The following F11 variants were observed in gnomAD, a reference collection of about 807,000 sequenced individuals.
The protein encoded by F11 is coagualtion factor XI.
A neutral mutation model predicts 76.5 loss-of-function variants in F11; 78 were observed. The ratio of observed to expected loss-of-function variants is 1.02; its 90% CI spans 0.85 to 1.23. The LOEUF is 1.23. Ranked by LOEUF, F11 falls within the 50% of genes most tolerant of loss-of-function variation. The probability of loss-of-function intolerance (pLI) is 0.00; values close to 1 mark genes in which losing one functional copy is unlikely to be tolerated. For missense variants in F11, 742 were observed against 771.4 expected, an observed-to-expected ratio of 0.96 and a Z score of 0.45; for synonymous variants, 278 against 276.3, an observed-to-expected ratio of 1.01 and a Z score of -0.06.
chr4:186,288,361 A>T (rs1334954435), intron 14 of F11, 92 bp from the exon 15 acceptor site: 1 of 1,554,624 alleles, frequency 6.4e-7, no homozygotes, highest in Non-Finnish European at 8.9e-7. Context: ...CCAAGACAAC[A>T]TTTTAGGCAA....
Position 186,287,824 on chromosome 4 carries a change from G to GT in F11, c.1716+2dup. 1 of 1,611,970 alleles carries GT rather than the reference G, an allele frequency of 6.2e-7. No homozygotes were observed. Among genetic ancestry groups the GT allele is most frequent in the Non-Finnish European group, 8.5e-7 (1 of 1,178,670 alleles). On this transcript the variant is annotated splice_donor_variant, in intron 14 of 14. Coordinates refer to ENST00000403665, the MANE Select transcript of F11 (RefSeq NM_000128.4). LOFTEE classifies it high-confidence loss of function. The stretch of plus-strand genomic sequence containing the variant: ...GGAAGGAGGGAAGGACGCTTGCAAG[G>GT]TAACAGAGTGTTCTTAGCCAATGGA...
chr4:186,275,954 T>A, intron 6 of F11, 58 bp downstream of exon 6: 1 of 1,335,410 alleles, frequency 7.5e-7, no homozygotes, highest in Non-Finnish European at 1.1e-6. Context: ...ATGATTACAG[T>A]AGATCTCACT....
chr4:186,278,810 A>T (rs1361297939), intron 7 of F11, among the ~76,000 whole-genome samples: 1 of 152,210 alleles, frequency 6.6e-6, no homozygotes, highest in Non-Finnish European at 1.5e-5. Flanking sequence ...TATACAGCTG[A>T]TACTTTTTAA....
rs5965 is a variant in F11, at chr4:186,274,298, G to A, written c.485+23G>A. On this transcript the variant is annotated intron_variant, in intron 5 of 14. Coordinates refer to ENST00000403665, the MANE Select transcript of F11 (RefSeq NM_000128.4). ...TCGGTGAGTGAGTCCCAGGACATTC[G>A]AGTGGTCGATGAAAAACAGAATCGT... 3.4e-4 allele frequency: 543 copies of A among 1,614,096 alleles called. 2 individuals carry two copies. In the East Asian group the frequency reaches 5.9e-3, roughly 18 times the overall value.
At chr4:186,269,157 C>G (rs1017658585) in intron 2 of F11, among the ~76,000 whole-genome samples, 3 of 152,150 alleles carry the variant, frequency 2.0e-5, no homozygotes, top group Non-Finnish European at 4.4e-5. Context: ...AGGATGATTA[C>G]ATTGTGATAT....
At chr4:186,281,009 C>T (rs1484854707) in intron 10 of F11, among the ~76,000 whole-genome samples, 2 of 151,994 alleles carry the variant, frequency 1.3e-5, no homozygotes, top group African/African-American at 2.4e-5. Context: ...GGGCTACAGG[C>T]GTGCACCACA....
chr4:186,278,963 TTTGTC>T (rs1342882960), intron 7 of F11, among the ~76,000 whole-genome samples: 2 of 152,236 alleles, frequency 1.3e-5, no homozygotes, highest in Non-Finnish European at 2.9e-5. Flanking sequence ...GCTCTTTTTC[TTTGTC>T]TTATTACCTT....
At chr4:186,287,351 A>G (rs2126786140) in intron 13 of F11, among the ~76,000 whole-genome samples, 1 of 151,844 alleles carries the variant, frequency 6.6e-6, no homozygotes, top group Non-Finnish European at 1.5e-5. Flanking sequence ...TGGGAGGCCA[A>G]GATGGGTGGA....
At chr4:186,286,880 TG>T (rs570116564) in intron 13 of F11, among the ~76,000 whole-genome samples, 148 of 152,334 alleles carry the variant, frequency 9.7e-4, no homozygotes, top group African/African-American at 3.3e-3. Flanking sequence ...CACGCAATAG[TG>T]GGAATAATGT....
intron 7 of F11, among the ~76,000 whole-genome samples, chr4:186,278,739 G>A (rs1317736617): frequency 6.6e-6 from 1 of 152,164 alleles, no homozygotes; most frequent in Non-Finnish European, 1.5e-5. Flanking sequence ...TTGGCAACTG[G>A]AAATAGAAGT....
chr4:186,282,593 A>C (rs1740886032), intron 10 of F11: 1 of 985,390 alleles, frequency 1.0e-6, no homozygotes, highest in Non-Finnish European at 1.2e-6. Context: ...GCATAGGATG[A>C]ACCTCAAGGC....
chr4:186,287,630 T>C, intron 13 of F11, 54 bp from the exon 14 acceptor site: 2 of 1,177,142 alleles, frequency 1.7e-6, no homozygotes, highest in Non-Finnish European at 2.5e-6. Flanking sequence ...GCATATATGT[T>C]TATGTGTATT....
chr4:186,281,837 A>C, intron 10 of F11: 1 of 1,195,050 alleles, frequency 8.4e-7, no homozygotes, highest in Non-Finnish European at 1.1e-6. Flanking sequence ...CGAGAAGGCG[A>C]ATCAATCCTT....
Position 186,276,453 on chromosome 4 carries a change from A to G in F11, c.755+63A>G, listed in dbSNP as rs1740390526. The G allele has an allele frequency of 2.0e-5, 31 of 1,587,434 alleles. No individual in the cohort carries two copies. In the Admixed American group the frequency reaches 5.2e-4, roughly 27 times the overall value. On this transcript the variant is annotated intron_variant, in intron 7 of 14. Coordinates refer to ENST00000403665, the MANE Select transcript of F11 (RefSeq NM_000128.4). The stretch of plus-strand genomic sequence containing the variant: ...TAAAAATAGCTGATCAAAATCCATC[A>G]TTAAAAATTCCAAGTAACTAAAAAT...
At chr4:186,270,460 C>A (rs755844991) in intron 2 of F11, among the ~76,000 whole-genome samples, 5 of 152,038 alleles carry the variant, frequency 3.3e-5, no homozygotes, top group Non-Finnish European at 5.9e-5. Flanking sequence ...ATATATTATG[C>A]GGCGGTGAAG....
At chr4:186,285,087 A>C (rs1443044910) in intron 11 of F11, among the ~76,000 whole-genome samples, 1 of 152,196 alleles carries the variant, frequency 6.6e-6, no homozygotes, top group East Asian at 1.9e-4. Flanking sequence ...TAAGTTGGCC[A>C]AACTTTCCGT....
chr4:186,272,586 T>G (rs1006320208), intron 3 of F11, among the ~76,000 whole-genome samples: 12 of 152,220 alleles, frequency 7.9e-5, no homozygotes, highest in African/African-American at 2.9e-4. Flanking sequence ...CAGGCATTTA[T>G]GTAGCACCCA....
intron 12 of F11, 112 bp downstream of exon 12, chr4:186,285,925 G>A: frequency 1.7e-6 from 2 of 1,164,946 alleles, no homozygotes; most frequent in Non-Finnish European, 2.6e-6. Context: ...TTATCATCAT[G>A]AAAGGGAGAG....
At chr4:186,276,447 T>C in intron 7 of F11, 57 bp downstream of exon 7, 1 of 1,592,170 alleles carries the variant, frequency 6.3e-7, no homozygotes. Flanking sequence ...CTGATCAAAA[T>C]CCATCATTAA....
Sources: gnomAD v4.1 joint callset for allele counts (sites outside exome capture counted in the v4.1 genomes callset) on GRCh38, gnomAD v4.1.1 for gene constraint, MANE v1.5 for transcripts, NCBI Gene and HGNC (gene_info 2026-07-23, HGNC 2026-07-21) for gene names.